SND1: variants seen among roughly 807,000 people sequenced by gnomAD.
SND1 encodes staphylococcal nuclease domain-containing protein 1.
A neutral mutation model predicts 121.7 loss-of-function variants in SND1; 38 were observed. The ratio of observed to expected loss-of-function variants is 0.31; its 90% CI spans 0.24 to 0.41. SND1 has a LOEUF of 0.41. Among genes scored for constraint, SND1 ranks in the 10% least tolerant of loss-of-function variants. SND1 has a pLI of 1.00. For synonymous variants in SND1, 401 were observed against 447.4 expected (o/e 0.90, Z 1.31); for missense variants, 868 against 1,184.6 (o/e 0.73, Z 3.92).
At chr7:127,784,987 C>T (rs1797786166) in intron 10 of SND1, among the ~76,000 whole-genome samples, 1 of 152,114 alleles carries the variant, frequency 6.6e-6, no homozygotes, top group African/African-American at 2.4e-5. Flanking sequence ...GGCACAATCA[C>T]GGCTTACTGT....
intron 11 of SND1, among the ~76,000 whole-genome samples, chr7:127,826,236 A>G (rs1798640849): frequency 6.6e-6 from 1 of 152,172 alleles, no homozygotes; most frequent in South Asian, 2.1e-4. Context: ...ATCTCCTCAC[A>G]TCCTTAAATA....
chr7:127,918,055 C>CTTTTTTTTTTTT (rs11375840), intron 14 of SND1, among the ~76,000 whole-genome samples: 1 of 142,380 alleles, frequency 7.0e-6, no homozygotes, highest in Non-Finnish European at 1.5e-5. Flanking sequence ...TAGATTTTTT[C>CTTTTTTTTTTTT]TTTTTTTTTT....
At chr7:127,864,675 C>T (rs1799435612) in intron 12 of SND1, among the ~76,000 whole-genome samples, 1 of 151,976 alleles carries the variant, frequency 6.6e-6, no homozygotes, top group South Asian at 2.1e-4. Context: ...CTTTGTATAC[C>T]TTGTCAAAGT....
At chr7:127,886,235 A>G (rs1177814760) in intron 12 of SND1, among the ~76,000 whole-genome samples, 1 of 152,060 alleles carries the variant, frequency 6.6e-6, no homozygotes, top group Non-Finnish European at 1.5e-5. Context: ...TCCGAGGGGC[A>G]TATAATGAGA....
At chr7:127,939,374 G>C (rs781368749) in intron 15 of SND1, among the ~76,000 whole-genome samples, 3 of 152,056 alleles carry the variant, frequency 2.0e-5, no homozygotes, top group Non-Finnish European at 2.9e-5. Context: ...AGTGTTTCAG[G>C]GTAAAAGAGA....
At chr7:127,886,283 C>T (rs543796156) in intron 12 of SND1, among the ~76,000 whole-genome samples, 1 of 151,758 alleles carries the variant, frequency 6.6e-6, no homozygotes, top group African/African-American at 2.4e-5. Context: ...CCTTGCTCTA[C>T]CAACACATTT....
At chr7:127,810,145 G>T (rs996646504) in intron 11 of SND1, among the ~76,000 whole-genome samples, 3 of 152,154 alleles carry the variant, frequency 2.0e-5, no homozygotes, top group Non-Finnish European at 2.9e-5. Flanking sequence ...GTGCATCAGC[G>T]TGCGACTAAT....
chr7:127,761,070 T>C (rs1273369590), intron 10 of SND1, among the ~76,000 whole-genome samples: 1 of 152,224 alleles, frequency 6.6e-6, no homozygotes, highest in Non-Finnish European at 1.5e-5. Flanking sequence ...CTGGAAAGCA[T>C]AGTTTTCATC....
At chr7:127,904,707 GA>G (rs1265446288) in intron 13 of SND1, 39 bp from the exon 14 acceptor site, 1 of 1,410,628 alleles carries the variant, frequency 7.1e-7, no homozygotes, top group Admixed American at 1.7e-5. Context: ...TTCCCATTGT[GA>G]TTCTTGTTTT....
intron 12 of SND1, among the ~76,000 whole-genome samples, chr7:127,877,965 T>C (rs565062020): frequency 6.6e-6 from 1 of 152,138 alleles, no homozygotes; most frequent in Non-Finnish European, 1.5e-5. Context: ...GAATGACTTT[T>C]TTCTCCCCGT....
At chr7:127,855,862 A>G (rs973995023) in intron 12 of SND1, among the ~76,000 whole-genome samples, 1 of 152,214 alleles carries the variant, frequency 6.6e-6, no homozygotes, top group African/African-American at 2.4e-5. Context: ...GCTACCCAAC[A>G]GATTCTTTTA....
intron 10 of SND1, among the ~76,000 whole-genome samples, chr7:127,730,032 C>T (rs1319683960): frequency 2.0e-5 from 3 of 152,268 alleles, no homozygotes; most frequent in South Asian, 2.1e-4. Context: ...GTGGCGATCT[C>T]GGGTCACCAC....
chr7:128,004,828 C>G (rs928752295), intron 16 of SND1, among the ~76,000 whole-genome samples: 3 of 152,188 alleles, frequency 2.0e-5, no homozygotes, highest in African/African-American at 7.2e-5. Flanking sequence ...GGTCAGTATC[C>G]GTTTCACCCT....
intron 10 of SND1, among the ~76,000 whole-genome samples, chr7:127,777,195 C>A (rs964494174): frequency 6.6e-6 from 1 of 152,228 alleles, no homozygotes; most frequent in Non-Finnish European, 1.5e-5. Flanking sequence ...CTGCACTCTC[C>A]TGTCTACCTC....
At chr7:128,022,551 C>T (rs973880878) in intron 16 of SND1, among the ~76,000 whole-genome samples, 1 of 152,236 alleles carries the variant, frequency 6.6e-6, no homozygotes, top group Admixed American at 6.5e-5. Context: ...TAGGCCAAAT[C>T]TCTGACTCAC....
intron 12 of SND1, among the ~76,000 whole-genome samples, chr7:127,850,352 G>A (rs1209174586): frequency 6.6e-6 from 1 of 152,082 alleles, no homozygotes; most frequent in Non-Finnish European, 1.5e-5. Flanking sequence ...AGCTACACTT[G>A]GGCAAAAGCA....
intron 10 of SND1, among the ~76,000 whole-genome samples, chr7:127,761,116 A>G (rs1434864186): frequency 1.3e-5 from 2 of 152,146 alleles, no homozygotes; most frequent in African/African-American, 2.4e-5. Context: ...ACCTACCTCT[A>G]TCATCTTGGC....
chr7:128,046,216 G>C (rs1272197599), intron 16 of SND1, among the ~76,000 whole-genome samples: 1 of 152,100 alleles, frequency 6.6e-6, no homozygotes, highest in Non-Finnish European at 1.5e-5. Context: ...CCCAACCTCA[G>C]CCTCCTGCCT....
chr7:127,674,343 A>G (rs1795580539), intron 1 of SND1, among the ~76,000 whole-genome samples: 1 of 152,224 alleles, frequency 6.6e-6, no homozygotes. Flanking sequence ...TTTTATATTT[A>G]TCTGTATATA....
Sources: allele counts gnomAD v4.1 joint callset (sites outside exome capture counted in the v4.1 genomes callset), GRCh38; gene constraint gnomAD v4.1.1; transcripts MANE v1.5; gene names NCBI Gene and HGNC (gene_info 2026-07-23, HGNC 2026-07-21).